Variants in CERS4 observed in about 807,000 individuals in gnomAD.
CERS4 encodes the protein ceramide synthase 4.
In CERS4, 65 loss-of-function variants were observed where a neutral mutation model predicts 51.8. The observed-to-expected ratio is 1.26, with a 90% CI of 1.03 to 1.54. The LOEUF is 1.54. CERS4 is among the 40% of genes most tolerant of loss of function. The probability of loss-of-function intolerance (pLI) is 0.00; values close to 1 mark genes in which losing one functional copy is unlikely to be tolerated. For missense variants in CERS4, 563 were observed against 500.4 expected (o/e 1.13, Z -1.19); for synonymous variants, 228 against 208.4 (o/e 1.09, Z -0.81).
intron 2 of CERS4, chr19:8,214,459 G>A (rs979101246): frequency 3.9e-5 from 6 of 152,880 alleles, no homozygotes; most frequent in Non-Finnish European, 5.8e-5. Context: ...AGGTGCAAAG[G>A]CCCTGAGGCT....
intron 2 of CERS4, among the ~76,000 whole-genome samples, chr19:8,222,750 G>A (rs927603970): frequency 2.0e-5 from 3 of 151,824 alleles, no homozygotes; most frequent in African/African-American, 7.2e-5. Context: ...CACCCGCCTC[G>A]GCCTCCCAAA....
Position 8,256,963 on chromosome 19 carries a change from G to T in CERS4, c.627G>T (p.Gln209His), listed in dbSNP as rs746636515. The T allele has an allele frequency of 6.2e-7, 1 of 1,614,058 alleles. No homozygotes were observed. The highest frequency in any genetic ancestry group is 8.5e-7 in the Non-Finnish European group (1 of 1,180,038). The change falls in exon 9 of 12, where the codon CAG becomes CAT. Residue 209 changes from glutamine (Q) to histidine (H), a missense_variant. By Grantham distance (24) the Gln-to-His change is conservative. Transcript: ENST00000251363. ...FDVKRKDFKE[Q>H]VIHHFVAVIL... is the part of the protein sequence containing the mutation. ...GTCTACTGCAGGATTTCAAGGAGCAGGTGATACACCACTTCGTGGCGGTCA... is the reference window on the plus strand; with the variant it reads ...GTCTACTGCAGGATTTCAAGGAGCATGTGATACACCACTTCGTGGCGGTCA...
chr19:8,238,705 G>A (rs1968381784), intron 2 of CERS4: 2 of 573,902 alleles, frequency 3.5e-6, no homozygotes, highest in Non-Finnish European at 4.4e-6. Context: ...CCAGGGAATG[G>A]TTCCAAGAAG....
At position 8,255,830 on chromosome 19, in the gene CERS4, T is replaced by C. The variant is rs773536021; in HGVS notation, c.419T>C (p.Phe140Ser). 8 of 1,613,992 alleles carry C rather than the reference T, an allele frequency of 5.0e-6. No individual in the cohort carries two copies. The South Asian group carries it at 6.6e-5, about 13-fold the overall frequency. ...TKKFCEASWR[F>S]LFYLSSFVGG... ...TCCCTCCCCATCCACAGCTGGAGGT[T>C]TCTCTTCTACCTGTCCTCCTTCGTG... Residue 140 changes from phenylalanine (F) to serine (S), a missense_variant, in exon 6 of 12, where the codon TTT becomes TCT. By Grantham distance (155) the Phe-to-Ser change is radical. Coordinates refer to ENST00000251363, the MANE Select transcript of CERS4 (RefSeq NM_024552.3).
chr19:8,245,122 A>ACAAAACAAAC lies in CERS4; in HGVS notation c.-1-5954_-1-5953insCAAAACAAAC, dbSNP rs755450125. 9.4e-4 allele frequency among the ~76,000 whole-genome samples: 121 copies of ACAAAACAAAC among 129,272 alleles called. 1 individual carries two copies. The highest frequency in any genetic ancestry group is 7.8e-3 in the Middle Eastern group (2 of 258). 84.8% of individuals were successfully genotyped at this position (129,272 alleles called of 152,430 possible). On this transcript the variant is annotated intron_variant, in intron 2 of 11. Coordinates refer to ENST00000251363, the MANE Select transcript of CERS4 (RefSeq NM_024552.3). ...GCGAGACTCCATCTCAAAAAAAAAA[A>ACAAAACAAAC]AAAAAAAAAAAAACACTCTTGGCTT...
chr19:8,214,983 G>C (rs964621542), intron 2 of CERS4, among the ~76,000 whole-genome samples: 1 of 70,618 alleles, frequency 1.4e-5, no homozygotes, highest in Admixed American at 1.2e-4. Flanking sequence ...AAAAGGAAGA[G>C]GAGGGGGAGG....
At chr19:8,235,198 G>A (rs530049025) in intron 2 of CERS4, among the ~76,000 whole-genome samples, 4 of 151,102 alleles carry the variant, frequency 2.6e-5, no homozygotes, top group African/African-American at 9.7e-5. Context: ...TAGTAGAAAC[G>A]GGGTTTCACC....
chr19:8,228,119 C>CA (rs1251698322), intron 2 of CERS4, among the ~76,000 whole-genome samples: 1 of 152,054 alleles, frequency 6.6e-6, no homozygotes, highest in Non-Finnish European at 1.5e-5. Flanking sequence ...TTCGGCCTCC[C>CA]AAAGTGCTGA....
chr19:8,250,073 C>T (rs1968998824), intron 2 of CERS4, among the ~76,000 whole-genome samples: 1 of 151,898 alleles, frequency 6.6e-6, no homozygotes, highest in South Asian at 2.1e-4. Flanking sequence ...CTCCCGGGTT[C>T]AAGCGATTCT....
intron 2 of CERS4, among the ~76,000 whole-genome samples, chr19:8,231,873 T>TTTA (rs61532670): frequency 2.5e-5 from 3 of 119,552 alleles, no homozygotes; most frequent in African/African-American, 9.6e-5. Flanking sequence ...TTTTTTTTTT[T>TTTA]AGAGACAGTC....
chr19:8,250,246 A>T (rs1193447547), intron 2 of CERS4, among the ~76,000 whole-genome samples: 1 of 152,116 alleles, frequency 6.6e-6, no homozygotes, highest in Non-Finnish European at 1.5e-5. Flanking sequence ...CAGTGTTGGG[A>T]TTACAGGCAT....
rs576125362 is a variant in CERS4 at position 8,248,352 on chromosome 19, T to A, written c.-1-2724T>A. On this transcript the variant is annotated intron_variant, in intron 2 of 11. Coordinates refer to ENST00000251363, the MANE Select transcript of CERS4 (RefSeq NM_024552.3). ...ACGGATAGATGCAACGACAGATGGA[T>A]AAATGGATGGATGGAAGGGGAAATG... Among the ~76,000 whole-genome samples the A allele has an allele frequency of 2.0e-5, 3 of 152,032 alleles. No homozygotes were observed. In the South Asian group the frequency reaches 6.2e-4, roughly 32 times the overall value.
At position 8,225,081 on chromosome 19, in the gene CERS4, A is replaced by T. The variant is rs1967730311; in HGVS notation, c.-2+14219A>T. 2.0e-5 allele frequency: 3 copies of T among 152,422 alleles called. No homozygotes were observed. The Admixed American group carries it at 2.0e-4, about 10-fold the overall frequency. 9.4% of individuals were successfully genotyped at this position (152,422 alleles called of 1,614,324 possible). A position where few individuals can be genotyped will look rare whatever the true frequency, so the allele number is the denominator to read the frequency against. Reference sequence around the variant, plus strand: ...CTGACAGCATGGACGTGCTGGCCGCAGCTTCCAGGCAGGTGAATTTCCCAG... The same window carrying T: ...CTGACAGCATGGACGTGCTGGCCGCTGCTTCCAGGCAGGTGAATTTCCCAG... On this transcript the variant is annotated intron_variant, in intron 2 of 11. Coordinates refer to ENST00000251363, the MANE Select transcript of CERS4 (RefSeq NM_024552.3).
intron 3 of CERS4, among the ~76,000 whole-genome samples, chr19:8,253,442 C>T (rs1232526550): frequency 1.3e-5 from 2 of 149,150 alleles, no homozygotes; most frequent in African/African-American, 2.5e-5. Context: ...GACAAAGGTC[C>T]AGCTGCCTTT....
intron 2 of CERS4, chr19:8,238,682 G>A (rs1276638253): frequency 2.7e-6 from 2 of 727,336 alleles, no homozygotes; most frequent in Non-Finnish European, 3.4e-6. Flanking sequence ...GGGGCTGACA[G>A]GAGAGGTGGT....
chr19:8,256,990 C>A lies in CERS4; in HGVS notation c.654C>A (p.Ile218=). ...EQVIHHFVAV[I]LMTFSYSANL... ...TGATACACCACTTCGTGGCGGTCAT[C>A]CTGATGACCTTCTCCTACAGTGCCA... is the stretch of plus-strand genomic sequence containing the variant. Residue 218 remains isoleucine (I), a synonymous_variant, in exon 9 of 12, where the codon ATC becomes ATA. Transcript: ENST00000251363. The A allele has an allele frequency of 6.2e-7, 1 of 1,614,126 alleles. No homozygotes were observed.
intron 2 of CERS4, among the ~76,000 whole-genome samples, chr19:8,246,405 A>C (rs1021844533): frequency 1.3e-5 from 2 of 151,970 alleles, no homozygotes; most frequent in Non-Finnish European, 2.9e-5. Flanking sequence ...CAAAAATTTA[A>C]AACATTAGCC....
chr19:8,261,843 A>T lies in CERS4; in HGVS notation c.1004A>T (p.Gln335Leu). Residue 335 changes from glutamine to leucine, a missense_variant and splice_region_variant, in exon 11 of 12, where the codon CAG (glutamine) becomes CTG (leucine). Gln to Leu is a moderately radical substitution (Grantham distance 113, BLOSUM62 -2). Transcript: ENST00000251363. ...CTCTATAGCTTCATGAAGAAGGGCCAGGTATGGCTGGACCTCCCCGGGGGC... is the reference window on the plus strand; with the variant it reads ...CTCTATAGCTTCATGAAGAAGGGCCTGGTATGGCTGGACCTCCCCGGGGGC... ...RMLYSFMKKGQMEKDIRSDVE... is the reference protein window; with the variant it reads ...RMLYSFMKKGLMEKDIRSDVE... 6.2e-7 allele frequency: 1 copy of T among 1,614,160 alleles called. No individual in the cohort carries two copies.
intron 3 of CERS4, among the ~76,000 whole-genome samples, chr19:8,252,154 A>G (rs1308363272): frequency 6.6e-6 from 1 of 151,934 alleles, no homozygotes; most frequent in Non-Finnish European, 1.5e-5. Context: ...GCGGATCATG[A>G]TGTCAGGAGT....
Sources: gnomAD v4.1 joint callset for allele counts (sites outside exome capture counted in the v4.1 genomes callset) on GRCh38, gnomAD v4.1.1 for gene constraint, MANE v1.5 for transcripts, NCBI Gene and HGNC (gene_info 2026-07-23, HGNC 2026-07-21) for gene names.